Variants in PUDP observed in about 807,000 individuals in gnomAD.
The protein encoded by PUDP is pseudouridine-5'-phosphatase.
A neutral mutation model predicts 9.4 loss-of-function variants in PUDP; 8 were observed. The ratio of observed to expected loss-of-function variants is 0.85; its 90% confidence interval spans 0.50 to 1.53. The LOEUF (loss-of-function observed/expected upper bound fraction) is 1.53, where lower values mean the gene tolerates loss of function less well. Ranked by LOEUF, PUDP falls within the 40% of genes most tolerant of loss-of-function variation. The pLI is 0.00. For synonymous variants in PUDP, 99 were observed against 80.7 expected (o/e 1.23, Z -1.22); for missense variants, 188 against 189.7 (o/e 0.99, Z 0.05).
chrX:7,093,020 C>T (rs1931468242), intron 2 of PUDP, among the ~76,000 whole-genome samples: 2 of 112,469 alleles, frequency 1.8e-5, no homozygotes, highest in South Asian at 7.4e-4. Flanking sequence ...ATAAAATGTA[C>T]TGTTTTAATG....
At chrX:6,790,050 A>G (rs1469257186) in intron 3 of PUDP, among the ~76,000 whole-genome samples, 2 of 111,376 alleles carry the variant, frequency 1.8e-5, no homozygotes, top group African/African-American at 6.5e-5. Context: ...GATACAAGAT[A>G]GATATATATC....
chrX:7,104,550 G>T, intron 2 of PUDP, among the ~76,000 whole-genome samples: 1 of 112,124 alleles, frequency 8.9e-6, no homozygotes. Flanking sequence ...ATTTTAGTGT[G>T]TGTGTCTGTG....
intron 1 of PUDP, among the ~76,000 whole-genome samples, chrX:6,707,603 G>C (rs1417285425): frequency 9.0e-6 from 1 of 111,118 alleles, no homozygotes; most frequent in Non-Finnish European, 1.9e-5. Flanking sequence ...GTTCACAACA[G>C]GGTTCGCACT....
chrX:6,715,776 C>A (rs747583980), intron 1 of PUDP, among the ~76,000 whole-genome samples: 12 of 111,360 alleles, frequency 1.1e-4, no homozygotes, highest in African/African-American at 3.6e-4. Context: ...CCCTGGGGTT[C>A]CCTGGATAGA....
intron 3 of PUDP, among the ~76,000 whole-genome samples, chrX:6,895,059 G>C (rs1338934832): frequency 9.0e-6 from 1 of 110,547 alleles, no homozygotes; most frequent in Non-Finnish European, 1.9e-5. Context: ...TGCAAAGAGA[G>C]AAAGTGCAGG....
chrX:6,829,489 C>T (rs952701057), intron 3 of PUDP, among the ~76,000 whole-genome samples: 1 of 111,613 alleles, frequency 9.0e-6, no homozygotes, highest in Admixed American at 9.5e-5. Flanking sequence ...TTTGCATTCC[C>T]ACCATCAATG....
chrX:7,137,285 G>A (rs972019325), intron 1 of PUDP, among the ~76,000 whole-genome samples: 4 of 107,475 alleles, frequency 3.7e-5, no homozygotes, highest in Non-Finnish European at 7.7e-5. Context: ...TGGTTCACCT[G>A]TAATCCCAGC....
intron 3 of PUDP, among the ~76,000 whole-genome samples, chrX:7,062,311 C>A (rs967766654): frequency 9.0e-6 from 1 of 111,709 alleles, no homozygotes; most frequent in Admixed American, 9.5e-5. Flanking sequence ...GTTTGAGGCA[C>A]ACAGTCCTCT....
At chrX:7,026,635 C>T (rs1241672493) in intron 1 of PUDP, among the ~76,000 whole-genome samples, 1 of 111,479 alleles carries the variant, frequency 9.0e-6, no homozygotes, top group Non-Finnish European at 1.9e-5. Context: ...CTCCTACCAC[C>T]TGTGAACATT....
At chrX:7,068,290 A>C (rs1930627404) in intron 3 of PUDP, among the ~76,000 whole-genome samples, 1 of 112,405 alleles carries the variant, frequency 8.9e-6, no homozygotes, top group Non-Finnish European at 1.9e-5. Flanking sequence ...TTGCAATCTG[A>C]TAAAATGGCA....
intron 3 of PUDP, among the ~76,000 whole-genome samples, chrX:6,915,597 C>T (rs1186887162): frequency 8.9e-6 from 1 of 112,054 alleles, no homozygotes; most frequent in Non-Finnish European, 1.9e-5. Flanking sequence ...CCATGTCCCA[C>T]CCACTTCTCC....
At chrX:6,784,834 C>G (rs1354417359) in intron 3 of PUDP, among the ~76,000 whole-genome samples, 1 of 111,979 alleles carries the variant, frequency 8.9e-6, no homozygotes, top group African/African-American at 3.2e-5. Flanking sequence ...CCTGTGTAGA[C>G]AAGCCTTTCA....
At chrX:6,876,639 A>ATATGTGTGTGTGTGTGTG (rs749582262) in intron 3 of PUDP, among the ~76,000 whole-genome samples, 15 of 92,797 alleles carry the variant, frequency 1.6e-4, no homozygotes, top group Non-Finnish European at 3.0e-4. Context: ...CTAAAATGTT[A>ATATGTGTGTGTGTGTGTG]TGTGTGTGTG....
At chrX:7,075,348 T>C (rs1367579892) in intron 3 of PUDP, among the ~76,000 whole-genome samples, 1 of 110,898 alleles carries the variant, frequency 9.0e-6, no homozygotes, top group Non-Finnish European at 1.9e-5. Flanking sequence ...CTACTAAAAA[T>C]AGAAAAATTA....
intron 3 of PUDP, among the ~76,000 whole-genome samples, chrX:6,759,148 G>A (rs957068335): frequency 4.5e-4 from 50 of 112,166 alleles, no homozygotes; most frequent in Non-Finnish European, 3.8e-5. Flanking sequence ...CATACATCTT[G>A]TCATTTCATG....
At chrX:6,899,793 G>A (rs1602664655) in intron 3 of PUDP, among the ~76,000 whole-genome samples, 1 of 110,863 alleles carries the variant, frequency 9.0e-6, no homozygotes, top group Non-Finnish European at 1.9e-5. Flanking sequence ...CCATACTAAC[G>A]CTGACTGTGG....
At chrX:6,789,862 C>G (rs867296901) in intron 3 of PUDP, among the ~76,000 whole-genome samples, 2 of 9,529 alleles carry the variant, frequency 2.1e-4, no homozygotes, top group Non-Finnish European at 3.1e-4. Context: ...AGAAAAAAGA[C>G]GATTGATAGA....
At chrX:7,093,831 T>C (rs1931490305) in intron 2 of PUDP, among the ~76,000 whole-genome samples, 1 of 111,798 alleles carries the variant, frequency 8.9e-6, no homozygotes, top group South Asian at 3.8e-4. Context: ...CTGGGCCAGG[T>C]GTGGTGGCCC....
chrX:6,883,466 G>T (rs1192853600), intron 3 of PUDP, among the ~76,000 whole-genome samples: 1 of 101,768 alleles, frequency 9.8e-6, no homozygotes, highest in African/African-American at 3.6e-5. Flanking sequence ...AGGTTGCAGT[G>T]AGCCAATATC....
Sources: gnomAD v4.1 joint callset for allele counts (sites outside exome capture counted in the v4.1 genomes callset) on GRCh38, gnomAD v4.1.1 for gene constraint, MANE v1.5 for transcripts, NCBI Gene and HGNC (gene_info 2026-07-23, HGNC 2026-07-21) for gene names.